Variants in LRRC4B observed in about 807,000 individuals in gnomAD.
LRRC4B encodes leucine rich repeat containing 4B, also known as leucine-rich repeat-containing protein 4B.
Under a neutral mutation model 7.3 loss-of-function variants are expected in LRRC4B, and 1 was observed. That is an observed-to-expected ratio of 0.14 (90% CI 0.05 to 0.65). The LOEUF (loss-of-function observed/expected upper bound fraction) is 0.65. LRRC4B is among the 30% of genes least tolerant of loss of function. The probability of loss-of-function intolerance (pLI) is 0.84; values close to 1 mark genes in which losing one functional copy is unlikely to be tolerated. For missense variants in LRRC4B, 730 were observed against 1,041.6 expected, an observed-to-expected ratio of 0.70 and a Z score of 4.12; for synonymous variants, 500 against 499.2, an observed-to-expected ratio of 1.00 and a Z score of -0.02.
intron 1 of LRRC4B, among the ~76,000 whole-genome samples, chr19:50,564,546 A>C (rs747187308): frequency 2.0e-5 from 3 of 152,036 alleles, no homozygotes; most frequent in African/African-American, 7.2e-5. Flanking sequence ...AAGACTGATG[A>C]ATGAGTCCAC....
At chr19:50,522,324 C>G (rs959895087) in intron 2 of LRRC4B, among the ~76,000 whole-genome samples, 1 of 152,162 alleles carries the variant, frequency 6.6e-6, no homozygotes, top group Non-Finnish European at 1.5e-5. Flanking sequence ...GAGATGGGCA[C>G]TATTACCAGT....
chr19:50,538,435 C>T (rs1011359651), intron 2 of LRRC4B, among the ~76,000 whole-genome samples: 7 of 152,186 alleles, frequency 4.6e-5, no homozygotes, highest in African/African-American at 1.4e-4. Flanking sequence ...ATGTTTCATG[C>T]CCCTGGAGGG....
chr19:50,543,918 G>A (rs1981676296), intron 2 of LRRC4B, among the ~76,000 whole-genome samples: 1 of 151,414 alleles, frequency 6.6e-6, no homozygotes, highest in African/African-American at 2.4e-5. Flanking sequence ...TAAATAACAG[G>A]ATGCTGGCTG....
intron 2 of LRRC4B, among the ~76,000 whole-genome samples, chr19:50,533,023 C>T (rs1394527974): frequency 6.6e-6 from 1 of 152,186 alleles, no homozygotes; most frequent in African/African-American, 2.4e-5. Context: ...CGTCTGAGAT[C>T]ATTAAAGCTA....
chr19:50,520,615 G>A (rs955131382), intron 2 of LRRC4B, among the ~76,000 whole-genome samples: 19 of 145,136 alleles, frequency 1.3e-4, no homozygotes, highest in African/African-American at 4.6e-4. Context: ...GGGTGACAGA[G>A]TGAGACTCCG....
chr19:50,542,242 G>C (rs922725044), intron 2 of LRRC4B, among the ~76,000 whole-genome samples: 4 of 152,128 alleles, frequency 2.6e-5, no homozygotes, highest in Non-Finnish European at 5.9e-5. Flanking sequence ...GCGAGGAGTG[G>C]ACAGGCTGGG....
chr19:50,543,236 G>A (rs532747352), intron 2 of LRRC4B, among the ~76,000 whole-genome samples: 8 of 152,252 alleles, frequency 5.3e-5, no homozygotes, highest in Admixed American at 1.3e-4. Flanking sequence ...GTGGCAGCGC[G>A]GCGGGGGACA....
Position 50,541,385 on chromosome 19 carries a change from G to GA in LRRC4B, c.297+7156dup, listed in dbSNP as rs1366929653. Among the ~76,000 whole-genome samples the GA allele has an allele frequency of 1.3e-3, 123 of 93,822 alleles. 4 individuals carry two copies. The highest frequency in any genetic ancestry group is 2.0e-3 in the Non-Finnish European group (91 of 44,984). 61.6% of individuals were successfully genotyped at this position (93,822 alleles called of 152,430 possible). The stretch of plus-strand genomic sequence containing the variant: ...CTCTATCTCAAAAAAAAAAAAAAAA[G>GA]AAAAAGAAAAAGCAATGCACCATAA... On this transcript the variant is annotated intron_variant, in intron 2 of 2. Transcript: ENST00000652263.
chr19:50,520,220 A>AAAAAAAAAAAAAAAAAG (rs1980501743), intron 2 of LRRC4B, among the ~76,000 whole-genome samples: 1 of 65,130 alleles, frequency 1.5e-5, no homozygotes, highest in Non-Finnish European at 2.9e-5. Context: ...AAAAAAAAAA[A>AAAAAAAAAAAAAAAAAG]AAAAAAAAAA....
chr19:50,518,327 C>G lies in LRRC4B; in HGVS notation c.1386G>C (p.Gly462=), dbSNP rs556312756. The change falls in exon 3 of 3, where the codon GGG becomes GGC. Residue 462 remains glycine, a synonymous_variant. Transcript: ENST00000652263. ...NVSAVDPVAA[G]GTGSGGGGPG... The stretch of plus-strand genomic sequence containing the variant: ...GGCCGCCCCCGCCGCTGCCGGTGCC[C>G]CCGGCCGCCACGGGGTCCACGGCCG... 111 of 1,606,192 alleles carry G rather than the reference C, an allele frequency of 6.9e-5. No individual in the cohort carries two copies. The South Asian group carries it at 1.2e-3, about 17-fold the overall frequency.
rs1014580540 is a variant in LRRC4B at position 50,548,433 on chromosome 19, C to G, written c.297+109G>C. 4.9e-6 allele frequency: 7 copies of G among 1,429,756 alleles called. No homozygotes were observed. Among genetic ancestry groups the G allele is most frequent in the South Asian group, 3.9e-5 (3 of 77,214 alleles). The allele number at this position is 1,429,756 out of a possible 1,614,324, so 88.6% of individuals were successfully genotyped here. A position where few individuals can be genotyped will look rare whatever the true frequency, so the allele number is the denominator to read the frequency against. ...ACCCGCAGGCCACATCCACAGGTGC[C>G]GGAGACGGGGAAGCCCCGGTGTGGG... On this transcript the variant is annotated intron_variant, in intron 2 of 2. Transcript: ENST00000652263. This position sits in a 1 kb window ranked among gnomAD's most constrained non-coding sequence, Gnocchi z 6.8.
At chr19:50,542,817 C>A (rs1183151251) in intron 2 of LRRC4B, among the ~76,000 whole-genome samples, 1 of 152,070 alleles carries the variant, frequency 6.6e-6, no homozygotes, top group African/African-American at 2.4e-5. Flanking sequence ...ACTATGGGGA[C>A]CACCTACTGT....
At chr19:50,547,703 C>T (rs1981873935) in intron 2 of LRRC4B, among the ~76,000 whole-genome samples, 1 of 149,610 alleles carries the variant, frequency 6.7e-6, no homozygotes, top group African/African-American at 2.5e-5. Context: ...AGGACAGAGC[C>T]CCCCACCCTG....
intron 2 of LRRC4B, among the ~76,000 whole-genome samples, chr19:50,521,584 C>A (rs1455303688): frequency 6.6e-6 from 1 of 152,102 alleles, no homozygotes; most frequent in Non-Finnish European, 1.5e-5. Context: ...CGTGCCACCA[C>A]GCCTGGCTAA....
Position 50,519,441 on chromosome 19 carries a change from T to A in LRRC4B, c.298-26A>T, listed in dbSNP as rs762670674. On this transcript the variant is annotated intron_variant, in intron 2 of 2. Coordinates refer to ENST00000652263, the MANE Select transcript of LRRC4B (RefSeq NM_001080457.2). This position sits in a 1 kb window ranked among gnomAD's most constrained non-coding sequence, Gnocchi z 8.1. Reference sequence around the variant, plus strand: ...CTGGGGAGAGGGAGACACGGATCAGTCACGGAGATACTGACGGGGACCGTG... The same window carrying A: ...CTGGGGAGAGGGAGACACGGATCAGACACGGAGATACTGACGGGGACCGTG... 7.1e-6 allele frequency: 11 copies of A among 1,543,486 alleles called. No individual in the cohort carries two copies. The South Asian group carries it at 1.3e-4, about 19-fold the overall frequency.
rs1982257447 is a variant in LRRC4B at position 50,555,872 on chromosome 19, T to TC, written c.-35-7000dup. 6.6e-6 allele frequency: 1 copy of TC among 151,918 alleles called. No homozygotes were observed. Among genetic ancestry groups the TC allele is most frequent in the South Asian group, 2.1e-4 (1 of 4,790 alleles). 9.4% of individuals were successfully genotyped at this position (151,918 alleles called of 1,614,324 possible). A position where few individuals can be genotyped will look rare whatever the true frequency, so the allele number is the denominator to read the frequency against. On this transcript the variant is annotated intron_variant, in intron 1 of 2. Transcript: ENST00000652263. The surrounding 1 kb of genome is among the most constrained non-coding windows in gnomAD (Gnocchi z 5.2). ...TGGAGGTTAGAGCTAGAGAAGAACT[T>TC]CCCCACTGCGAGGGACTGGGGCAGA...
chr19:50,560,623 G>A (rs1982431067), intron 1 of LRRC4B, among the ~76,000 whole-genome samples: 1 of 152,074 alleles, frequency 6.6e-6, no homozygotes, highest in Non-Finnish European at 1.5e-5. Flanking sequence ...AAGAGTGTTG[G>A]TGTTGAGGAA....
intron 2 of LRRC4B, among the ~76,000 whole-genome samples, chr19:50,545,408 CA>C (rs58857784): frequency 0.043 from 3,353 of 78,704 alleles, 58 homozygotes; most frequent in East Asian, 0.14. Context: ...AACTCCATCT[CA>C]AAAAAAAAAA....
intron 2 of LRRC4B, among the ~76,000 whole-genome samples, chr19:50,526,011 A>G (rs930554300): frequency 6.6e-6 from 1 of 152,070 alleles, no homozygotes; most frequent in Non-Finnish European, 1.5e-5. Flanking sequence ...CAAGAGAGAA[A>G]CTCAGTCTCA....
Sources: gnomAD v4.1 joint callset for allele counts (sites outside exome capture counted in the v4.1 genomes callset) on GRCh38, gnomAD v4.1.1 for gene constraint, Gnocchi (gnomAD v3.1) non-coding constraint, MANE v1.5 for transcripts, NCBI Gene and HGNC (gene_info 2026-07-23, HGNC 2026-07-21) for gene names.